Variants in DOCK3 observed in about 807,000 individuals in gnomAD.
The protein encoded by DOCK3 is dedicator of cytokinesis protein 3.
In DOCK3, 60 loss-of-function variants were observed where a neutral mutation model predicts 265.6. The ratio of observed to expected loss-of-function variants is 0.23; its 90% confidence interval spans 0.18 to 0.28. The LOEUF (loss-of-function observed/expected upper bound fraction) is 0.28, where lower values mean the gene tolerates loss of function less well. Ranked by LOEUF, DOCK3 falls within the 10% of genes least tolerant of loss-of-function variation. DOCK3 has a pLI of 1.00. For missense variants in DOCK3, 1,981 were observed against 2,594.3 expected (o/e 0.76, Z 5.14); for synonymous variants, 881 against 938.0 (o/e 0.94, Z 1.11).
intron 22 of DOCK3, among the ~76,000 whole-genome samples, chr3:51,257,559 A>G (rs2079616076): frequency 6.6e-6 from 1 of 152,178 alleles, no homozygotes; most frequent in Non-Finnish European, 1.5e-5. Context: ...GGCTCTTCAC[A>G]AGGCATTCCA....
intron 5 of DOCK3, among the ~76,000 whole-genome samples, chr3:50,974,913 G>A (rs1278937247): frequency 3.2e-5 from 4 of 123,770 alleles, no homozygotes; most frequent in Non-Finnish European, 6.9e-5. Context: ...TTGTGAATGG[G>A]AGTTCAGTCA....
intron 9 of DOCK3, among the ~76,000 whole-genome samples, chr3:51,114,804 G>GC (rs1285030995): frequency 7.2e-5 from 10 of 139,762 alleles, no homozygotes; most frequent in Non-Finnish European, 1.6e-4. Context: ...CCTTCCCCTT[G>GC]CCCCCCAACC....
chr3:51,182,271 A>G (rs1053350771), intron 12 of DOCK3, among the ~76,000 whole-genome samples: 5 of 152,152 alleles, frequency 3.3e-5, no homozygotes, highest in Admixed American at 2.0e-4. Flanking sequence ...AACAATATCT[A>G]TCTTGTTGGG....
At chr3:51,346,601 G>A (rs1261347657) in intron 38 of DOCK3, among the ~76,000 whole-genome samples, 1 of 152,150 alleles carries the variant, frequency 6.6e-6, no homozygotes, top group Non-Finnish European at 1.5e-5. Flanking sequence ...ATAAACATAC[G>A]TGTGCATGTG....
chr3:51,085,602 T>TAAA (rs1035924906), intron 7 of DOCK3, among the ~76,000 whole-genome samples: 1 of 152,068 alleles, frequency 6.6e-6, no homozygotes. Context: ...AAAAGGAAAT[T>TAAA]AAAAACTTGC....
chr3:51,046,053 C>T (rs2109071375), intron 5 of DOCK3, among the ~76,000 whole-genome samples: 1 of 151,652 alleles, frequency 6.6e-6, no homozygotes, highest in South Asian at 2.1e-4. Context: ...AGAAGTTTTA[C>T]AAAAGCCTAA....
chr3:50,684,222 TA>T (rs1352474945), intron 1 of DOCK3, among the ~76,000 whole-genome samples: 1 of 152,184 alleles, frequency 6.6e-6, no homozygotes, highest in Non-Finnish European at 1.5e-5. Flanking sequence ...GTATGTCATT[TA>T]TCCTTCTAGA....
At chr3:50,792,613 T>C (rs2042539565) in intron 2 of DOCK3, among the ~76,000 whole-genome samples, 1 of 152,056 alleles carries the variant, frequency 6.6e-6, no homozygotes, top group Non-Finnish European at 1.5e-5. Context: ...TGTTACTATT[T>C]CACCAAGCTT....
chr3:50,678,934 C>T (rs1239698302), intron 1 of DOCK3, among the ~76,000 whole-genome samples: 2 of 152,052 alleles, frequency 1.3e-5, no homozygotes, highest in African/African-American at 2.4e-5. Context: ...CTCAGCCTCC[C>T]GAGTAGCTGG....
intron 5 of DOCK3, among the ~76,000 whole-genome samples, chr3:51,016,477 AAT>A (rs1281500336): frequency 1.7e-5 from 1 of 57,656 alleles, no homozygotes; most frequent in South Asian, 5.3e-4. Flanking sequence ...ATTTCTACAT[AAT>A]ATATATATCA....
At chr3:51,143,390 C>T (rs147446616) in intron 9 of DOCK3, among the ~76,000 whole-genome samples, 1,844 of 151,424 alleles carry the variant, frequency 0.012, 32 homozygotes, top group African/African-American at 0.042. Context: ...CTGTCTCAGC[C>T]TCCTGAGTAG....
intron 12 of DOCK3, among the ~76,000 whole-genome samples, chr3:51,206,851 GA>G (rs1251352703): frequency 6.6e-6 from 1 of 152,208 alleles, no homozygotes; most frequent in East Asian, 1.9e-4. Flanking sequence ...CCAAGACAAT[GA>G]AGAGGAGAAG....
At chr3:50,750,222 C>G (rs1163112465) in intron 1 of DOCK3, among the ~76,000 whole-genome samples, 1 of 99,774 alleles carries the variant, frequency 1.0e-5, no homozygotes, top group Non-Finnish European at 2.1e-5. Flanking sequence ...CATCCCTGAC[C>G]TGGCCCTGGG....
In DOCK3 at chr3:51,362,006, C is replaced by G. The variant is rs765443129; in HGVS notation, c.5145+9C>G. On this transcript the variant is annotated intron_variant, in intron 48 of 52. Transcript: ENST00000266037. ...TGTACCACCACATGCAGGTACAGAG[C>G]TGTCCACGGAGAGTGGGCCAGGGCA... 3.1e-6 allele frequency: 5 copies of G among 1,600,726 alleles called. No individual in the cohort carries two copies. The African/African-American group carries it at 4.0e-5, about 13-fold the overall frequency.
chr3:51,122,238 G>C (rs1224546083), intron 9 of DOCK3, among the ~76,000 whole-genome samples: 2 of 152,136 alleles, frequency 1.3e-5, no homozygotes. Flanking sequence ...CCAGCACTTT[G>C]GAAGGTCAAG....
At chr3:51,380,014 G>C (rs1186949397) in intron 51 of DOCK3, 111 bp from the exon 52 acceptor site, 44 of 961,578 alleles carry the variant, frequency 4.6e-5, no homozygotes, top group Non-Finnish European at 6.6e-5. Flanking sequence ...CAATGCTGAG[G>C]GGTCCCCAGG....
rs935619508 is a variant in DOCK3, at chr3:50,849,904, C to T, written c.162+8189C>T. Among the ~76,000 whole-genome samples the T allele has an allele frequency of 2.0e-4, 30 of 151,868 alleles. No homozygotes were observed. The South Asian group carries it at 2.1e-3, about 11-fold the overall frequency. ...TTTGAGACCAGCCTGGGCAACATAG[C>T]GAAACCTCGTCTTTAAAAAACCAAT... On this transcript the variant is annotated intron_variant, in intron 3 of 52. Transcript: ENST00000266037.
chr3:50,705,296 G>A (rs1044001081), intron 1 of DOCK3, among the ~76,000 whole-genome samples: 1 of 152,084 alleles, frequency 6.6e-6, no homozygotes, highest in Non-Finnish European at 1.5e-5. Flanking sequence ...CACGTGTTGA[G>A]GGAGGGACCT....
intron 9 of DOCK3, among the ~76,000 whole-genome samples, chr3:51,110,422 T>C (rs539282716): frequency 9.2e-5 from 14 of 152,126 alleles, no homozygotes; most frequent in Non-Finnish European, 1.8e-4. Flanking sequence ...TGAACATTGA[T>C]GCAAAAATCC....
Sources: gnomAD v4.1 joint callset for allele counts (sites outside exome capture counted in the v4.1 genomes callset) on GRCh38, gnomAD v4.1.1 for gene constraint, MANE v1.5 for transcripts, NCBI Gene and HGNC (gene_info 2026-07-23, HGNC 2026-07-21) for gene names.